MATN1: variants seen among roughly 807,000 people sequenced by gnomAD.
MATN1 encodes the protein matrilin 1, also known as matrilin-1.
MATN1 carries 34 observed loss-of-function variants against 41.3 expected under a neutral mutation model. The observed-to-expected ratio is 0.82, with a 90% CI of 0.63 to 1.10. The LOEUF is 1.10. Ranked by LOEUF, MATN1 falls within the 50% of genes least tolerant of loss-of-function variation. The probability of loss-of-function intolerance (pLI) is 0.00; values close to 1 mark genes in which losing one functional copy is unlikely to be tolerated. For missense variants in MATN1, 602 were observed against 662.4 expected, an observed-to-expected ratio of 0.91 and a Z score of 1.00; for synonymous variants, 264 against 278.7, an observed-to-expected ratio of 0.95 and a Z score of 0.53.
rs1188399 is a variant in MATN1 at position 30,711,916 on chromosome 1, G to C, written c.*1666C>G. On this transcript the variant is annotated 3_prime_UTR_variant, in exon 8 of 8. Transcript: ENST00000373765. ...GCAGAAAAACTCCTGCCCCAGGGAC[G>C]GACAGAGAGAAAGGGTTTGGTGAAC... 2.0e-5 allele frequency: 3 copies of C among 151,980 alleles called. No individual in the cohort carries two copies. The highest frequency in any genetic ancestry group is 4.4e-5 in the Non-Finnish European group (3 of 67,974). 9.4% of individuals were successfully genotyped at this position (151,980 alleles called of 1,614,324 possible).
chr1:30,716,083 T>C lies in MATN1; in HGVS notation c.1033A>G (p.Met345Val), dbSNP rs751460285. 4.3e-6 allele frequency: 7 copies of C among 1,614,082 alleles called. No homozygotes were observed. The Admixed American group carries it at 5.0e-5, about 12-fold the overall frequency. Residue 345 changes from methionine (M) to valine (V), a missense_variant, in exon 5 of 8, where the codon ATG becomes GTG. Met to Val is a conservative substitution (Grantham distance 21). Coordinates refer to ENST00000373765, the MANE Select transcript of MATN1 (RefSeq NM_002379.3). ...KKDIKAAVRN[M>V]SYMEKGTMTG... is the part of the protein sequence containing the mutation. ...ATTGTGCCCTTCTCCATGTAGGACA[T>C]ATTCCGCACAGCCGCCTTGATGTCC...
chr1:30,719,910 C>T (rs1315397881), intron 2 of MATN1: 1 of 152,620 alleles, frequency 6.6e-6, no homozygotes, highest in Non-Finnish European at 1.5e-5. Context: ...AGGTCACCTT[C>T]CTGAGCCTCA....
intron 1 of MATN1, among the ~76,000 whole-genome samples, chr1:30,722,861 A>G (rs1639714164): frequency 6.6e-6 from 1 of 152,208 alleles, no homozygotes. Flanking sequence ...CTAAGGCTAC[A>G]AATGGGTAAA....
At chr1:30,719,448 C>T (rs1415104898) in intron 2 of MATN1, 1 of 157,036 alleles carries the variant, frequency 6.4e-6, no homozygotes, top group Admixed American at 6.5e-5. Context: ...GTCTTGCTGT[C>T]CTTGTCCCGG....
chr1:30,717,299 G>A (rs1052475133), intron 3 of MATN1, among the ~76,000 whole-genome samples: 15 of 152,060 alleles, frequency 9.9e-5, no homozygotes, highest in African/African-American at 3.6e-4. Context: ...TTATCTCACT[G>A]GATCCTCTCA....
chr1:30,719,097 G>T, intron 2 of MATN1, 140 bp from the exon 3 acceptor site: 1 of 608,302 alleles, frequency 1.6e-6, no homozygotes, highest in Non-Finnish European at 2.7e-6. Flanking sequence ...GACCCGGCTG[G>T]CCGAAGAGGA....
In MATN1 at chr1:30,714,278, C is replaced by T; in HGVS notation, c.1410G>A (p.Val470=). The T allele has an allele frequency of 6.2e-7, 1 of 1,611,054 alleles. No homozygotes were observed. The highest frequency in any genetic ancestry group is 8.5e-7 in the Non-Finnish European group (1 of 1,178,676). Residue 470 remains valine (V), a synonymous_variant, in exon 7 of 8, where the codon GTG becomes GTA. Coordinates refer to ENST00000373765, the MANE Select transcript of MATN1 (RefSeq NM_002379.3). ...TGGTCAGGGCCTGCAGCAGCCCCTC[C>T]ACTTTGGCTTGGAATTTCACCAGGG... ...CESLVKFQAK[V]EGLLQALTRK... is the part of the protein sequence containing the mutation.
In MATN1 at chr1:30,713,377, GCACACA is replaced by G. The variant is rs10531531; in HGVS notation, c.*199_*204del. 2,761 of 549,878 alleles carry G rather than the reference GCACACA, an allele frequency of 5.0e-3. 39 individuals are homozygous for G. The highest frequency in any genetic ancestry group is 0.041 in the African/African-American group (2,111 of 51,826). The allele number at this position is 549,878 out of a possible 1,614,324, so 34.1% of individuals were successfully genotyped here. A position where few individuals can be genotyped will look rare whatever the true frequency, so the allele number is the denominator to read the frequency against. ...CTCATGCCCACCCTCAGGCGCACGTGCACACACACACACACACACACACATGCACAC... is the reference window on the plus strand; with the variant it reads ...CTCATGCCCACCCTCAGGCGCACGTGCACACACACACACACACATGCACAC... On this transcript the variant is annotated 3_prime_UTR_variant, in exon 8 of 8. Coordinates refer to ENST00000373765, the MANE Select transcript of MATN1 (RefSeq NM_002379.3).
At chr1:30,718,168 G>C (rs866912896) in intron 3 of MATN1, among the ~76,000 whole-genome samples, 1 of 150,928 alleles carries the variant, frequency 6.6e-6, no homozygotes, top group Non-Finnish European at 1.5e-5. Flanking sequence ...CCGTTTTATA[G>C]GCTACCGCCC....
At chr1:30,723,248 C>G (rs1569839486) in intron 1 of MATN1, among the ~76,000 whole-genome samples, 1 of 152,174 alleles carries the variant, frequency 6.6e-6, no homozygotes, top group East Asian at 1.9e-4. Context: ...ATGCATGGTC[C>G]CTGAGGGCTG....
chr1:30,713,548 A>T lies in MATN1; in HGVS notation c.*34T>A. ...TAAAGCTACGGCGGACACGTGCAGG[A>T]CGCTTGGAGAGGCCACAGTGGTGAC... is the stretch of plus-strand genomic sequence containing the variant. On this transcript the variant is annotated 3_prime_UTR_variant, in exon 8 of 8. Coordinates refer to ENST00000373765, the MANE Select transcript of MATN1 (RefSeq NM_002379.3). 6.4e-7 allele frequency: 1 copy of T among 1,551,622 alleles called. No individual in the cohort carries two copies. The highest frequency in any genetic ancestry group is 8.7e-7 in the Non-Finnish European group (1 of 1,146,702).
At position 30,723,464 on chromosome 1, in the gene MATN1, A is replaced by C; in HGVS notation, c.88T>G (p.Ser30Ala). The change falls in exon 1 of 8, where the codon TCC (serine) becomes GCC (alanine). Residue 30 changes from serine to alanine, a missense_variant. Coordinates refer to ENST00000373765, the MANE Select transcript of MATN1 (RefSeq NM_002379.3). The part of the protein sequence containing the change: ...ALCSPGLAPQ[S>A]RGHLCRTRPT... ...CTCACGCAAGCCCCCTCACCTCTGG[A>C]CTGGGGGGCGAGGCCAGGGCTGCAC... The C allele has an allele frequency of 6.6e-7, 1 of 1,521,874 alleles. No homozygotes were observed. The highest frequency in any genetic ancestry group is 8.8e-7 in the Non-Finnish European group (1 of 1,134,684). 94.3% of individuals were successfully genotyped at this position (1,521,874 alleles called of 1,614,324 possible). A position where few individuals can be genotyped will look rare whatever the true frequency, so the allele number is the denominator to read the frequency against.
At position 30,715,933 on chromosome 1, in the gene MATN1, C is replaced by A; in HGVS notation, c.1183G>T (p.Ala395Ser). ...CCGAGGTCTTTGGCCTTCTTGGCAG[C>A]ATCATTAATGTAGTCCTGGCTCCGG... ...DGRSQDYIND[A>S]AKKAKDLGFK... Residue 395 changes from alanine to serine, a missense_variant, in exon 5 of 8, where the codon GCT (alanine) becomes TCT (serine). By Grantham distance (99) the Ala-to-Ser change is moderately conservative. Transcript: ENST00000373765. 1 of 1,613,524 alleles carries A rather than the reference C, an allele frequency of 6.2e-7. No homozygotes were observed. The highest frequency in any genetic ancestry group is 8.5e-7 in the Non-Finnish European group (1 of 1,179,496).
rs1292338094 is a variant in MATN1, at chr1:30,713,434, C to T, written c.*148G>A. 39 of 708,910 alleles carry T rather than the reference C, an allele frequency of 5.5e-5. No homozygotes were observed. Among genetic ancestry groups the T allele is most frequent in the South Asian group, 4.2e-4 (25 of 58,936 alleles). 43.9% of individuals were successfully genotyped at this position (708,910 alleles called of 1,614,324 possible). On this transcript the variant is annotated 3_prime_UTR_variant, in exon 8 of 8. Transcript: ENST00000373765. The stretch of plus-strand genomic sequence containing the variant: ...ATACACACACGCACACATACACACA[C>T]GAGCTCCCAAACGCCATTACACGCT...
At chr1:30,716,427 T>C (rs1427732511) in intron 4 of MATN1, 102 bp from the exon 5 acceptor site, 1 of 1,218,708 alleles carries the variant, frequency 8.2e-7, no homozygotes, top group Non-Finnish European at 1.1e-6. Flanking sequence ...GTGCTGAGGA[T>C]CATTACATTG....
In MATN1 at chr1:30,711,278, T is replaced by G. The variant is rs925606810; in HGVS notation, c.*2304A>C. ...AAAGAAAGAAAAGAACAATCCTAAT[T>G]AGTTTAGTCCTGTTTATTTATACAA... is the stretch of plus-strand genomic sequence containing the variant. On this transcript the variant is annotated 3_prime_UTR_variant, in exon 8 of 8. Transcript: ENST00000373765. 2.6e-5 allele frequency: 4 copies of G among 152,136 alleles called. No individual in the cohort carries two copies. The highest frequency in any genetic ancestry group is 5.9e-5 in the Non-Finnish European group (4 of 68,022). 9.4% of individuals were successfully genotyped at this position (152,136 alleles called of 1,614,324 possible). A position where few individuals can be genotyped will look rare whatever the true frequency, so the allele number is the denominator to read the frequency against.
Position 30,723,563 on chromosome 1 carries a change from C to A in MATN1, c.-12G>T. ...GAGAGGACCCTCATAGTTCTGGCAG[C>A]ACGGGCAGCAGCCGGCACGGTTGTG... On this transcript the variant is annotated 5_prime_UTR_variant, in exon 1 of 8. Coordinates refer to ENST00000373765, the MANE Select transcript of MATN1 (RefSeq NM_002379.3). 1 of 1,528,364 alleles carries A rather than the reference C, an allele frequency of 6.5e-7. No homozygotes were observed. The allele number at this position is 1,528,364 out of a possible 1,614,324, so 94.7% of individuals were successfully genotyped here.
intron 6 of MATN1, 83 bp downstream of exon 6, chr1:30,715,074 A>C: frequency 6.5e-7 from 1 of 1,536,978 alleles, no homozygotes. Context: ...GCTTTTCCCC[A>C]CCCACACCCA....
In MATN1 at chr1:30,717,904, C is replaced by T. The variant is rs369858318; in HGVS notation, c.664+831G>A. Among the ~76,000 whole-genome samples the T allele has an allele frequency of 5.9e-5, 9 of 152,278 alleles. No homozygotes were observed. The East Asian group carries it at 1.5e-3, about 26-fold the overall frequency. ...TCCTGACTTCGTGATCCGCCCGCCT[C>T]GGCCTCTCAAAGTGCTGGGATTACA... is the stretch of plus-strand genomic sequence containing the variant. On this transcript the variant is annotated intron_variant, in intron 3 of 7. Transcript: ENST00000373765.
Sources: gnomAD v4.1 joint callset for allele counts (sites outside exome capture counted in the v4.1 genomes callset) on GRCh38, gnomAD v4.1.1 for gene constraint, MANE v1.5 for transcripts, NCBI Gene and HGNC (gene_info 2026-07-23, HGNC 2026-07-21) for gene names.